DOCK1: variants seen among roughly 807,000 people sequenced by gnomAD.
The protein encoded by DOCK1 is dedicator of cytokinesis protein 1.
DOCK1 carries 138 observed loss-of-function variants against 262.7 expected under a neutral mutation model. That is an observed-to-expected ratio of 0.53 (90% CI 0.46 to 0.61). The LOEUF (loss-of-function observed/expected upper bound fraction) is 0.61, where lower values mean the gene tolerates loss of function less well. Ranked by LOEUF, DOCK1 falls within the 20% of genes least tolerant of loss-of-function variation. The pLI is 0.00. For synonymous variants in DOCK1, 866 were observed against 867.4 expected (o/e 1.00, Z 0.03); for missense variants, 1,908 against 2,370.7 (o/e 0.80, Z 4.05).
At chr10:127,392,541 C>T (rs7910478) in intron 38 of DOCK1, among the ~76,000 whole-genome samples, 43,740 of 152,108 alleles carry the variant, frequency 0.29, 6,940 homozygotes, top group Admixed American at 0.46. Flanking sequence ...TACACAGGCA[C>T]GGGGCTTTCA....
chr10:127,316,498 T>C (rs2062287809), intron 29 of DOCK1, among the ~76,000 whole-genome samples: 1 of 152,238 alleles, frequency 6.6e-6, no homozygotes, highest in South Asian at 2.1e-4. Flanking sequence ...TTGTTTGGCC[T>C]TGTATTGGAT....
chr10:127,031,077 C>T (rs191564808), intron 16 of DOCK1, among the ~76,000 whole-genome samples: 3 of 152,230 alleles, frequency 2.0e-5, no homozygotes, highest in East Asian at 1.9e-4. Context: ...ACATTGGGGT[C>T]GTTAGTCCAT....
intron 29 of DOCK1, among the ~76,000 whole-genome samples, chr10:127,317,594 C>G (rs2062339577): frequency 6.6e-6 from 1 of 152,168 alleles, no homozygotes; most frequent in African/African-American, 2.4e-5. Flanking sequence ...AGTGCACATT[C>G]ACCCATTGAT....
chr10:126,949,092 TG>T (rs1485677828), intron 1 of DOCK1, among the ~76,000 whole-genome samples: 2 of 152,140 alleles, frequency 1.3e-5, no homozygotes, highest in Non-Finnish European at 2.9e-5. Flanking sequence ...CACGTTCTGC[TG>T]GGGGGAGGTG....
In DOCK1 at chr10:126,970,801, G is replaced by C. The variant is rs775673657; in HGVS notation, c.130+16G>C. 2.5e-6 allele frequency: 4 copies of C among 1,608,096 alleles called. No homozygotes were observed. Among genetic ancestry groups the C allele is most frequent in the Non-Finnish European group, 1.7e-6 (2 of 1,176,214 alleles). On this transcript the variant is annotated intron_variant, in intron 2 of 51. Transcript: ENST00000623213. ...ACATATGAAGGTGCGTATGCATCTT[G>C]GTATCTTTTCTCTTACATTTTGGGC...
intron 27 of DOCK1, among the ~76,000 whole-genome samples, chr10:127,168,621 G>T (rs2054290762): frequency 6.6e-6 from 1 of 152,232 alleles, no homozygotes; most frequent in African/African-American, 2.4e-5. Flanking sequence ...CCAGGTGGAA[G>T]ACTTTGATCT....
chr10:127,418,837 G>C (rs1284207660), intron 45 of DOCK1, among the ~76,000 whole-genome samples: 4 of 152,176 alleles, frequency 2.6e-5, no homozygotes, highest in African/African-American at 9.7e-5. Context: ...ACAAGGTCTG[G>C]GATCTTACAG....
intron 25 of DOCK1, among the ~76,000 whole-genome samples, chr10:127,121,626 C>G (rs2049586461): frequency 6.6e-6 from 1 of 152,052 alleles, no homozygotes; most frequent in South Asian, 2.1e-4. Flanking sequence ...TATCTGTAGA[C>G]AGAAATATAG....
At chr10:127,362,275 C>A in intron 33 of DOCK1, 63 bp downstream of exon 33, 1 of 1,570,630 alleles carries the variant, frequency 6.4e-7, no homozygotes, top group Non-Finnish European at 8.6e-7. Flanking sequence ...TGAAAACCTT[C>A]AAAGAAACCT....
At chr10:127,194,715 G>C (rs1434330915) in intron 27 of DOCK1, among the ~76,000 whole-genome samples, 2 of 152,122 alleles carry the variant, frequency 1.3e-5, no homozygotes, top group Non-Finnish European at 2.9e-5. Flanking sequence ...GCAAGTCCTC[G>C]TTGAGGGGGG....
intron 27 of DOCK1, among the ~76,000 whole-genome samples, chr10:127,150,783 A>G (rs2052410183): frequency 6.6e-6 from 1 of 152,160 alleles, no homozygotes; most frequent in Admixed American, 6.5e-5. Flanking sequence ...AAAGGTAGAG[A>G]CAGGTCAAGT....
intron 27 of DOCK1, among the ~76,000 whole-genome samples, chr10:127,178,702 T>C (rs1017812912): frequency 6.6e-6 from 1 of 152,234 alleles, no homozygotes; most frequent in African/African-American, 2.4e-5. Context: ...CTTGAAAAAC[T>C]GGGCAGTTTT....
chr10:127,175,095 G>T lies in DOCK1; in HGVS notation c.2847+47331G>T. The T allele has an allele frequency of 1.1e-6, 1 of 886,132 alleles. No homozygotes were observed. The highest frequency in any genetic ancestry group is 1.8e-6 in the Non-Finnish European group (1 of 558,596). 54.9% of individuals were successfully genotyped at this position (886,132 alleles called of 1,614,324 possible). A position where few individuals can be genotyped will look rare whatever the true frequency, so the allele number is the denominator to read the frequency against. ...GGAGCTCGCCACGCCCTTAGACTAT[G>T]ACCTGTTTACGGAAATGCTGGCTTT... On this transcript the variant is annotated intron_variant, in intron 27 of 51. Transcript: ENST00000623213. The surrounding 1 kb of genome is among the most constrained non-coding windows in gnomAD (Gnocchi z 6.3).
chr10:127,315,326 A>G (rs1454286388), intron 29 of DOCK1, among the ~76,000 whole-genome samples: 2 of 152,208 alleles, frequency 1.3e-5, no homozygotes, highest in Non-Finnish European at 2.9e-5. Flanking sequence ...GTATTTGCAG[A>G]TAGGACCCTT....
intron 27 of DOCK1, among the ~76,000 whole-genome samples, chr10:127,156,493 T>C (rs948014090): frequency 1.5e-4 from 23 of 152,180 alleles, no homozygotes; most frequent in African/African-American, 5.5e-4. Context: ...AAATTGCTTT[T>C]CTGAATCTTT....
chr10:126,924,308 T>A (rs538637500), intron 1 of DOCK1, among the ~76,000 whole-genome samples: 69 of 112,016 alleles, frequency 6.2e-4, no homozygotes, highest in African/African-American at 2.4e-3. Context: ...AGGGGGAGGC[T>A]GTGAGTGCTG....
chr10:127,219,464 C>A (rs2058339509), intron 27 of DOCK1, among the ~76,000 whole-genome samples: 1 of 152,122 alleles, frequency 6.6e-6, no homozygotes, highest in Non-Finnish European at 1.5e-5. Flanking sequence ...TTTTTCTTCT[C>A]AAAAATTTTT....
At chr10:127,130,339 G>A (rs1006932215) in intron 27 of DOCK1, among the ~76,000 whole-genome samples, 1 of 152,138 alleles carries the variant, frequency 6.6e-6, no homozygotes, top group Non-Finnish European at 1.5e-5. Context: ...ATCCGCTTCG[G>A]CCTCCCAAAG....
chr10:127,363,236 G>A (rs1415544566), intron 33 of DOCK1, among the ~76,000 whole-genome samples: 1 of 152,282 alleles, frequency 6.6e-6, no homozygotes, highest in African/African-American at 2.4e-5. Context: ...TGGACCGGAT[G>A]TGGTTGCCCA....
Sources: allele counts gnomAD v4.1 joint callset (sites outside exome capture counted in the v4.1 genomes callset), GRCh38; gene constraint gnomAD v4.1.1; non-coding constraint Gnocchi (gnomAD v3.1); transcripts MANE v1.5; gene names NCBI Gene and HGNC (gene_info 2026-07-23, HGNC 2026-07-21).